Variants in CAST observed in about 807,000 individuals in gnomAD.
CAST encodes calpastatin.
In CAST, 76 loss-of-function variants were observed where a neutral mutation model predicts 119.6. That is an observed-to-expected ratio of 0.64 (90% CI 0.53 to 0.77). CAST has a LOEUF of 0.77. Ranked by LOEUF, CAST falls within the 30% of genes least tolerant of loss-of-function variation. CAST has a pLI of 0.00. For missense variants in CAST, 953 were observed against 946.5 expected, an observed-to-expected ratio of 1.01 and a Z score of -0.09; for synonymous variants, 319 against 331.6, an observed-to-expected ratio of 0.96 and a Z score of 0.41.
the CAST span, among the ~76,000 whole-genome samples, chr5:96,424,548 A>G: frequency 6.6e-6 from 1 of 152,228 alleles, no homozygotes; most frequent in Non-Finnish European, 1.5e-5. Context: ...TACAACACAG[A>G]CAATCATGAG....
chr5:96,644,258 A>G (rs927127965), intron 1 of CAST, among the ~76,000 whole-genome samples: 2 of 152,226 alleles, frequency 1.3e-5, no homozygotes, highest in Non-Finnish European at 2.9e-5. Context: ...AGTTTCTTGT[A>G]CAGTGAAAGT....
the CAST span, among the ~76,000 whole-genome samples, chr5:96,073,526 C>T: frequency 1.3e-5 from 2 of 152,132 alleles, no homozygotes; most frequent in African/African-American, 4.8e-5. Context: ...CTTTTTGGCA[C>T]CAAGGACCAG....
At chr5:96,384,694 A>G in the CAST span, among the ~76,000 whole-genome samples, 1 of 152,216 alleles carries the variant, frequency 6.6e-6, no homozygotes. Flanking sequence ...ACCCAGACTC[A>G]GGCTGGGAAA....
chr5:96,701,516 A>AAAG lies in CAST; in HGVS notation c.210+5610_210+5611insAGA, dbSNP rs530226817. On this transcript the variant is annotated intron_variant, in intron 3 of 31. Coordinates refer to ENST00000675179, the MANE Select transcript of CAST (RefSeq NM_001750.7). Reference sequence around the variant, plus strand: ...GATATATAAGCTATATATCAAGAAGAATTCTAAGTCCGGGTGCATGGCTCA... The same window carrying AAAG: ...GATATATAAGCTATATATCAAGAAGAAAGATTCTAAGTCCGGGTGCATGGCTCA... Among the ~76,000 whole-genome samples, 578 of 152,268 alleles carry AAAG rather than the reference A, an allele frequency of 3.8e-3. 2 individuals carry two copies. Among genetic ancestry groups the AAAG allele is most frequent in the African/African-American group, 0.013 (556 of 41,554 alleles).
chr5:96,135,046 TGCAGGGACCAGAAGGCCGGCA>T, the CAST span, among the ~76,000 whole-genome samples: 2 of 152,102 alleles, frequency 1.3e-5, no homozygotes, highest in Non-Finnish European at 2.9e-5. Context: ...GCTTGGCACT[TGCAGGGACCAGAAGGCCGGCA>T]GCATAGTGGG....
chr5:96,408,264 T>C, the CAST span: 3 of 1,614,064 alleles, frequency 1.9e-6, no homozygotes, highest in Non-Finnish European at 2.5e-6. Flanking sequence ...CAGCCAGAGG[T>C]GCAGAGGCCG....
At chr5:96,457,040 A>T in the CAST span, among the ~76,000 whole-genome samples, 1 of 152,122 alleles carries the variant, frequency 6.6e-6, no homozygotes, top group Non-Finnish European at 1.5e-5. Flanking sequence ...TTCCTTTATA[A>T]ATTACCCAGT....
At chr5:96,498,305 A>G in the CAST span, among the ~76,000 whole-genome samples, 13 of 152,222 alleles carry the variant, frequency 8.5e-5, no homozygotes, top group African/African-American at 2.7e-4. Context: ...TGATGCCTCC[A>G]GCTTTGTTCT....
chr5:96,473,115 C>A, the CAST span, among the ~76,000 whole-genome samples: 1 of 152,206 alleles, frequency 6.6e-6, no homozygotes. Context: ...TTTATCTTAA[C>A]TTGATTACAT....
At chr5:96,500,009 G>A in the CAST span, among the ~76,000 whole-genome samples, 7 of 152,162 alleles carry the variant, frequency 4.6e-5, no homozygotes, top group African/African-American at 1.7e-4. Context: ...GGAGAGGGGC[G>A]GGTCCTTGGA....
At chr5:96,017,697 A>G in the CAST span, among the ~76,000 whole-genome samples, 1 of 152,130 alleles carries the variant, frequency 6.6e-6, no homozygotes, top group African/African-American at 2.4e-5. Flanking sequence ...AGGAAATGAG[A>G]TATAAAAATA....
the CAST span, among the ~76,000 whole-genome samples, chr5:96,439,255 C>A: frequency 6.6e-6 from 1 of 152,096 alleles, no homozygotes; most frequent in Non-Finnish European, 1.5e-5. Flanking sequence ...CCCACTAAAA[C>A]CCCTCAAAAA....
chr5:96,321,182 T>C, the CAST span, among the ~76,000 whole-genome samples: 1 of 152,160 alleles, frequency 6.6e-6, no homozygotes, highest in African/African-American at 2.4e-5. Context: ...AGATAATTTT[T>C]TGTGGTGGAG....
At chr5:96,489,930 C>T in the CAST span, among the ~76,000 whole-genome samples, 1 of 152,178 alleles carries the variant, frequency 6.6e-6, no homozygotes, top group African/African-American at 2.4e-5. Context: ...TTGAGATGGA[C>T]TTCATCCTCT....
chr5:96,143,748 A>C, the CAST span, among the ~76,000 whole-genome samples: 117 of 152,332 alleles, frequency 7.7e-4, 1 homozygote, highest in African/African-American at 2.7e-3. Context: ...GTTCCCTTAC[A>C]AGTCCAAATT....
the CAST span, among the ~76,000 whole-genome samples, chr5:96,048,163 A>G: frequency 7.9e-5 from 12 of 152,222 alleles, no homozygotes; most frequent in African/African-American, 2.9e-4. Flanking sequence ...AAGTGAAGAC[A>G]CTGAAGAGTT....
At chr5:96,429,863 A>G in the CAST span, among the ~76,000 whole-genome samples, 6 of 152,316 alleles carry the variant, frequency 3.9e-5, no homozygotes, top group African/African-American at 9.6e-5. Context: ...GTAGGAGGCT[A>G]GTGATGCTTC....
intron 1 of CAST, among the ~76,000 whole-genome samples, chr5:96,582,916 A>G (rs570543333): frequency 6.6e-6 from 1 of 152,274 alleles, no homozygotes; most frequent in South Asian, 2.1e-4. Flanking sequence ...ATACTGTTTT[A>G]CCTATTTTGT....
the CAST span, among the ~76,000 whole-genome samples, chr5:96,324,929 G>T: frequency 6.6e-6 from 1 of 152,118 alleles, no homozygotes; most frequent in African/African-American, 2.4e-5. Flanking sequence ...TGGTTGCCAG[G>T]CACAGTGACT....
Sources: allele counts gnomAD v4.1 joint callset (sites outside exome capture counted in the v4.1 genomes callset), GRCh38; gene constraint gnomAD v4.1.1; transcripts MANE v1.5; gene names NCBI Gene and HGNC (gene_info 2026-07-23, HGNC 2026-07-21).